Variants in AGPS observed in about 807,000 individuals in gnomAD.
AGPS encodes alkyldihydroxyacetonephosphate synthase, peroxisomal.
AGPS carries 26 observed loss-of-function variants against 90.7 expected under a neutral mutation model. The observed-to-expected ratio is 0.29, with a 90% CI of 0.21 to 0.40. The LOEUF (loss-of-function observed/expected upper bound fraction) is 0.40. AGPS is among the 10% of genes least tolerant of loss of function. AGPS has a pLI of 1.00. For synonymous variants in AGPS, 294 were observed against 285.3 expected, an observed-to-expected ratio of 1.03 and a Z score of -0.31; for missense variants, 540 against 816.1, an observed-to-expected ratio of 0.66 and a Z score of 4.12.
intron 11 of AGPS, among the ~76,000 whole-genome samples, chr2:177,492,617 A>G (rs1233384345): frequency 6.6e-6 from 1 of 152,200 alleles, no homozygotes; most frequent in Non-Finnish European, 1.5e-5. Context: ...TTGGAATATG[A>G]TAAAGCTGTG....
rs2079207078 is a variant in AGPS, at chr2:177,538,858, GTTGTAT to G, written c.*670_*675del. The G allele has an allele frequency of 6.6e-6, 1 of 152,120 alleles. No individual in the cohort carries two copies. Among genetic ancestry groups the G allele is most frequent in the African/African-American group, 2.4e-5 (1 of 41,384 alleles). 9.4% of individuals were successfully genotyped at this position (152,120 alleles called of 1,614,324 possible). Reference sequence around the variant, plus strand: ...TGTTTCTGTTTCTATTGTGGTATGAGTTGTATTTGTATCACTGAGATAACCTATTGT... The same window carrying G: ...TGTTTCTGTTTCTATTGTGGTATGAGTTGTATCACTGAGATAACCTATTGT... On this transcript the variant is annotated 3_prime_UTR_variant, in exon 20 of 20. Transcript: ENST00000264167.
chr2:177,471,913 T>C (rs1363980029), intron 10 of AGPS, among the ~76,000 whole-genome samples: 2 of 152,148 alleles, frequency 1.3e-5, no homozygotes, highest in Non-Finnish European at 2.9e-5. Context: ...TGTTTAATTT[T>C]CTTAGTAGGC....
chr2:177,411,073 T>A (rs1413646215), intron 1 of AGPS, among the ~76,000 whole-genome samples: 1 of 152,158 alleles, frequency 6.6e-6, no homozygotes, highest in African/African-American at 2.4e-5. Context: ...ACTAAAGCGG[T>A]GACCTTTTTC....
intron 19 of AGPS, among the ~76,000 whole-genome samples, chr2:177,531,999 A>G (rs2079142415): frequency 6.6e-6 from 1 of 152,210 alleles, no homozygotes; most frequent in Non-Finnish European, 1.5e-5. Flanking sequence ...TAATGAACTT[A>G]AAAGTAAAAC....
At chr2:177,404,467 G>A (rs1030403438) in intron 1 of AGPS, among the ~76,000 whole-genome samples, 6 of 151,538 alleles carry the variant, frequency 4.0e-5, no homozygotes, top group African/African-American at 7.3e-5. Flanking sequence ...ATTCCCTGCC[G>A]CCCCCCACCC....
At chr2:177,398,922 G>A (rs1002031837) in intron 1 of AGPS, among the ~76,000 whole-genome samples, 1 of 152,208 alleles carries the variant, frequency 6.6e-6, no homozygotes, top group Non-Finnish European at 1.5e-5. Context: ...AGGTCATGGA[G>A]GGTTTACTGC....
intron 11 of AGPS, among the ~76,000 whole-genome samples, chr2:177,489,593 C>T (rs112918975): frequency 1.2e-4 from 19 of 152,136 alleles, no homozygotes; most frequent in African/African-American, 4.6e-4. Flanking sequence ...GTGAAGTCAT[C>T]GTGGTTATTT....
intron 5 of AGPS, among the ~76,000 whole-genome samples, chr2:177,440,056 C>T (rs1285806860): frequency 6.6e-6 from 1 of 152,072 alleles, no homozygotes; most frequent in Non-Finnish European, 1.5e-5. Context: ...AACAATAAAT[C>T]ATCAATGGTG....
At chr2:177,499,828 A>C in intron 14 of AGPS, 98 bp downstream of exon 14, 1 of 783,250 alleles carries the variant, frequency 1.3e-6, no homozygotes. Flanking sequence ...AATGTCTCCA[A>C]ACAGACTGCA....
intron 11 of AGPS, among the ~76,000 whole-genome samples, chr2:177,483,716 A>T (rs10190306): frequency 0.86 from 131,327 of 152,166 alleles, 56,875 homozygotes; most frequent in East Asian, 0.95. Flanking sequence ...ACACCATGTT[A>T]GCTAAAATGA....
chr2:177,496,399 A>G (rs1361607524), intron 12 of AGPS, among the ~76,000 whole-genome samples: 2 of 152,138 alleles, frequency 1.3e-5, no homozygotes, highest in East Asian at 1.9e-4. Flanking sequence ...GAATGTTTTG[A>G]TGATACGTTA....
At chr2:177,515,416 T>A (rs1688994119) in intron 17 of AGPS, among the ~76,000 whole-genome samples, 1 of 152,128 alleles carries the variant, frequency 6.6e-6, no homozygotes, top group Non-Finnish European at 1.5e-5. Flanking sequence ...AGTTGAGAAA[T>A]TTTTATTCCT....
chr2:177,463,612 GT>G (rs1288315557), intron 9 of AGPS, among the ~76,000 whole-genome samples: 2 of 151,926 alleles, frequency 1.3e-5, no homozygotes, highest in African/African-American at 4.8e-5. Flanking sequence ...AAAAACTTTT[GT>G]CTATATTGTG....
intron 8 of AGPS, among the ~76,000 whole-genome samples, chr2:177,460,049 G>A (rs1574385705): frequency 6.6e-6 from 1 of 152,188 alleles, no homozygotes; most frequent in Non-Finnish European, 1.5e-5. Flanking sequence ...ATCATTCTCA[G>A]CAAACTATCA....
chr2:177,449,716 T>A (rs1003622714), intron 8 of AGPS, among the ~76,000 whole-genome samples: 1 of 152,212 alleles, frequency 6.6e-6, no homozygotes, highest in African/African-American at 2.4e-5. Flanking sequence ...CTCGGGCCCC[T>A]GTGTCTGGCC....
intron 12 of AGPS, among the ~76,000 whole-genome samples, chr2:177,494,298 C>G (rs1436684001): frequency 6.6e-6 from 1 of 152,132 alleles, no homozygotes; most frequent in East Asian, 1.9e-4. Context: ...AAATTACATT[C>G]TTCTAAGTTA....
At chr2:177,492,851 C>G (rs988739793) in intron 11 of AGPS, among the ~76,000 whole-genome samples, 6 of 152,134 alleles carry the variant, frequency 3.9e-5, no homozygotes, top group Non-Finnish European at 8.8e-5. Flanking sequence ...TTAGGATATT[C>G]TCATATGTCT....
chr2:177,461,903 G>A lies in AGPS; in HGVS notation c.881G>A (p.Ser294Asn). ...ATTTTTGTTTTTCAGCTTAAAGAAA[G>A]TGGTTATTGTACAGGTCATGAACCA... ...GQELERQLKE[S>N]GYCTGHEPDS... Residue 294 changes from serine (S) to asparagine (N), a missense_variant, in exon 9 of 20, where the codon AGT (serine) becomes AAT (asparagine). Physicochemically the swap from Ser to Asn is conservative, Grantham distance 46 (BLOSUM62 1). Transcript: ENST00000264167. 6.2e-7 allele frequency: 1 copy of A among 1,611,526 alleles called. No individual in the cohort carries two copies. The highest frequency in any genetic ancestry group is 8.5e-7 in the Non-Finnish European group (1 of 1,178,426).
At chr2:177,421,933 G>A (rs1212846824) in intron 2 of AGPS, among the ~76,000 whole-genome samples, 1 of 152,066 alleles carries the variant, frequency 6.6e-6, no homozygotes, top group Non-Finnish European at 1.5e-5. Flanking sequence ...ATAGTCACTT[G>A]TATTTCAGCA....
Sources: allele counts gnomAD v4.1 joint callset (sites outside exome capture counted in the v4.1 genomes callset), GRCh38; gene constraint gnomAD v4.1.1; transcripts MANE v1.5; gene names NCBI Gene and HGNC (gene_info 2026-07-23, HGNC 2026-07-21).